BARD1: variants seen among roughly 807,000 people sequenced by gnomAD.
BARD1 encodes the protein BRCA1 associated RING domain 1.
Under a neutral mutation model 77.0 loss-of-function variants are expected in BARD1, and 73 were observed. The ratio of observed to expected loss-of-function variants is 0.95; its 90% CI spans 0.79 to 1.15. BARD1 has a LOEUF of 1.15. Among genes scored for constraint, BARD1 ranks in the 50% most tolerant of loss-of-function variants. The pLI is 0.00. For missense variants in BARD1, 993 were observed against 938.8 expected (o/e 1.06, Z -0.75); for synonymous variants, 384 against 338.0 (o/e 1.14, Z -1.49).
chr2:214,755,119 C>A (rs1693633315), intron 6 of BARD1, among the ~76,000 whole-genome samples: 1 of 152,042 alleles, frequency 6.6e-6, no homozygotes, highest in Admixed American at 6.5e-5. Flanking sequence ...GGATTTTATT[C>A]CCATTGTAAA....
intron 9 of BARD1, 33 bp downstream of exon 9, chr2:214,745,034 T>C (rs1474810753): frequency 2.5e-6 from 4 of 1,570,532 alleles, no homozygotes; most frequent in Non-Finnish European, 3.5e-6. Flanking sequence ...CTAGTCTAAT[T>C]CATTTCTTAA....
chr2:214,764,490 G>T (rs982352881), intron 6 of BARD1, among the ~76,000 whole-genome samples: 1 of 152,078 alleles, frequency 6.6e-6, no homozygotes, highest in Non-Finnish European at 1.5e-5. Context: ...GGAGGTAAAA[G>T]ACCCTACATA....
rs1203023483 is a variant in BARD1, at chr2:214,806,866, T to G, written c.158+2546A>C. On this transcript the variant is annotated intron_variant, in intron 1 of 10. Coordinates refer to ENST00000260947, the MANE Select transcript of BARD1 (RefSeq NM_000465.4). ...TCCAGCTTGGGTGACAGAGTGAAAC[T>G]TTGCCTAGGGAAAAAAAAAAAAAAA... Among the ~76,000 whole-genome samples, 9 of 95,572 alleles carry G rather than the reference T, an allele frequency of 9.4e-5. No homozygotes were observed. In the Admixed American group the frequency reaches 1.2e-3, roughly 13 times the overall value. 62.7% of individuals were successfully genotyped at this position (95,572 alleles called of 152,430 possible).
chr2:214,757,691 G>A (rs1450736179), intron 6 of BARD1, among the ~76,000 whole-genome samples: 2 of 152,104 alleles, frequency 1.3e-5, no homozygotes, highest in African/African-American at 4.8e-5. Context: ...TCATCATTCA[G>A]CAAATACTTT....
chr2:214,790,575 T>C (rs745394679), intron 3 of BARD1, among the ~76,000 whole-genome samples: 8 of 152,156 alleles, frequency 5.3e-5, no homozygotes, highest in Non-Finnish European at 1.2e-4. Flanking sequence ...GTGTCTGGAA[T>C]TGTGAGACAA....
At chr2:214,737,633 GTAAA>G (rs1692625081) in intron 9 of BARD1, among the ~76,000 whole-genome samples, 1 of 152,066 alleles carries the variant, frequency 6.6e-6, no homozygotes, top group South Asian at 2.1e-4. Context: ...TTACTGAAAA[GTAAA>G]TAAGAATGAA....
At chr2:214,792,567 G>T in intron 2 of BARD1, 122 bp from the exon 3 acceptor site, 1 of 942,156 alleles carries the variant, frequency 1.1e-6, no homozygotes, top group Non-Finnish European at 1.5e-6. Context: ...ATGGTCAATT[G>T]TAATATCCTT....
intron 4 of BARD1, among the ~76,000 whole-genome samples, chr2:214,779,385 T>A (rs970788589): frequency 6.6e-6 from 1 of 151,790 alleles, no homozygotes; most frequent in Non-Finnish European, 1.5e-5. Flanking sequence ...TTATACGATA[T>A]TTTTTAATTT....
intron 6 of BARD1, among the ~76,000 whole-genome samples, chr2:214,760,148 G>C (rs539880211): frequency 6.6e-6 from 1 of 152,102 alleles, no homozygotes; most frequent in African/African-American, 2.4e-5. Context: ...CTTAAGCCTG[G>C]TCTCCAATAT....
chr2:214,773,476 G>A (rs1694601849), intron 4 of BARD1, among the ~76,000 whole-genome samples: 1 of 152,042 alleles, frequency 6.6e-6, no homozygotes, highest in Non-Finnish European at 1.5e-5. Context: ...TAAAATACAG[G>A]CATATCTCGG....
At chr2:214,790,848 C>T (rs957974119) in intron 3 of BARD1, among the ~76,000 whole-genome samples, 1 of 152,166 alleles carries the variant, frequency 6.6e-6, no homozygotes, top group African/African-American at 2.4e-5. Flanking sequence ...GCTCACTGAT[C>T]CCTTACCCAC....
At chr2:214,777,713 CTCTT>C (rs1694795653) in intron 4 of BARD1, among the ~76,000 whole-genome samples, 1 of 152,230 alleles carries the variant, frequency 6.6e-6, no homozygotes, top group African/African-American at 2.4e-5. Flanking sequence ...GTTGTAGTAA[CTCTT>C]TCCTCTTTAC....
intron 6 of BARD1, among the ~76,000 whole-genome samples, chr2:214,758,825 T>C (rs1693819614): frequency 6.6e-6 from 1 of 152,208 alleles, no homozygotes; most frequent in Non-Finnish European, 1.5e-5. Context: ...CTGCCTACAA[T>C]GGTGATCTGA....
At chr2:214,795,225 A>G (rs926132648) in intron 2 of BARD1, among the ~76,000 whole-genome samples, 3 of 152,202 alleles carry the variant, frequency 2.0e-5, no homozygotes, top group African/African-American at 7.2e-5. Flanking sequence ...CAGCTGATAT[A>G]TAACTGGTAA....
At chr2:214,752,698 T>G in intron 6 of BARD1, 143 bp from the exon 7 acceptor site, 1 of 702,968 alleles carries the variant, frequency 1.4e-6, no homozygotes, top group Non-Finnish European at 2.5e-6. Context: ...AATCAAAAGC[T>G]GCTGAACTCA....
At chr2:214,751,827 T>C (rs1441797186) in intron 7 of BARD1, among the ~76,000 whole-genome samples, 1 of 152,210 alleles carries the variant, frequency 6.6e-6, no homozygotes, top group Non-Finnish European at 1.5e-5. Flanking sequence ...ACACTTCATA[T>C]GTAATCTATC....
chr2:214,770,911 T>C (rs1694453344), intron 4 of BARD1, among the ~76,000 whole-genome samples: 1 of 152,202 alleles, frequency 6.6e-6, no homozygotes, highest in African/African-American at 2.4e-5. Context: ...TGGCCCTTCA[T>C]GTAATGTGGA....
intron 1 of BARD1, among the ~76,000 whole-genome samples, chr2:214,801,847 G>GGT (rs1434914784): frequency 9.5e-5 from 4 of 42,048 alleles, no homozygotes; most frequent in Non-Finnish European, 2.3e-4. Flanking sequence ...CCAAATATTT[G>GGT]GCGGGGGGGG....
intron 7 of BARD1, among the ~76,000 whole-genome samples, chr2:214,751,517 C>G (rs1693452310): frequency 6.6e-6 from 1 of 151,860 alleles, no homozygotes; most frequent in Admixed American, 6.6e-5. Flanking sequence ...TTTGATTCTA[C>G]TGTATATTTT....
Sources: gnomAD v4.1 joint callset for allele counts (sites outside exome capture counted in the v4.1 genomes callset) on GRCh38, gnomAD v4.1.1 for gene constraint, MANE v1.5 for transcripts, NCBI Gene and HGNC (gene_info 2026-07-23, HGNC 2026-07-21) for gene names.